The following RTN3 variants were observed in gnomAD, a reference collection of about 807,000 sequenced individuals.
RTN3 encodes the protein reticulon 3.
Under a neutral mutation model 77.8 loss-of-function variants are expected in RTN3, and 49 were observed. That is an observed-to-expected ratio of 0.63 (90% CI 0.50 to 0.80). The LOEUF is 0.80. Ranked by LOEUF, RTN3 falls within the 30% of genes least tolerant of loss-of-function variation. RTN3 has a pLI of 0.00. For synonymous variants in RTN3, 464 were observed against 446.9 expected, an observed-to-expected ratio of 1.04 and a Z score of -0.48; for missense variants, 1,236 against 1,211.9, an observed-to-expected ratio of 1.02 and a Z score of -0.29.
chr11:63,714,342 C>T (rs146735310), intron 2 of RTN3: 2 of 276,704 alleles, frequency 7.2e-6, no homozygotes, highest in East Asian at 9.5e-5. Context: ...GAATGCAGCA[C>T]TGAGCTCTGT....
At chr11:63,739,238 AAAAAG>A (rs1344870316) in intron 3 of RTN3, among the ~76,000 whole-genome samples, 3 of 152,132 alleles carry the variant, frequency 2.0e-5, no homozygotes, top group African/African-American at 7.2e-5. Flanking sequence ...CGAAAAGAGA[AAAAAG>A]TAAGGTCCTT....
At chr11:63,755,526 C>T (rs2014328747) in intron 7 of RTN3, among the ~76,000 whole-genome samples, 1 of 151,668 alleles carries the variant, frequency 6.6e-6, no homozygotes, top group South Asian at 2.1e-4. Flanking sequence ...TGGCGCATGC[C>T]TGTAATCCCA....
At chr11:63,718,298 C>T (rs182680017) in intron 2 of RTN3, among the ~76,000 whole-genome samples, 226 of 152,238 alleles carry the variant, frequency 1.5e-3, no homozygotes, top group Middle Eastern at 6.8e-3. Context: ...TCTATCAACC[C>T]TTTATAGTAT....
Position 63,698,132 on chromosome 11 carries a change from C to CT in RTN3, c.143-6706dup, listed in dbSNP as rs34408885. ...TAATTTCTGTGACCCTTTTCATAGT[C>CT]TTTTTTTTTTTTTCTTTAAAACAGT... On this transcript the variant is annotated intron_variant, in intron 1 of 8. Transcript: ENST00000377819. 2.0e-3 allele frequency among the ~76,000 whole-genome samples: 292 copies of CT among 145,362 alleles called. 1 individual carries two copies. Among genetic ancestry groups the CT allele is most frequent in the East Asian group, 3.4e-3 (17 of 5,010 alleles).
chr11:63,743,690 G>A (rs1054994642), intron 3 of RTN3, among the ~76,000 whole-genome samples: 2 of 151,856 alleles, frequency 1.3e-5, no homozygotes, highest in African/African-American at 2.4e-5. Flanking sequence ...TGAGGCGGGC[G>A]GATCATCTGA....
chr11:63,719,722 A>C lies in RTN3; in HGVS notation c.1220A>C (p.Glu407Ala), dbSNP rs1212188685. The C allele has an allele frequency of 1.2e-6, 2 of 1,614,062 alleles. No individual in the cohort carries two copies. Among genetic ancestry groups the C allele is most frequent in the Admixed American group, 1.7e-5 (1 of 60,000 alleles). ...PITKSTGDWA[E>A]ASLQQENAIT... is the part of the protein sequence containing the mutation. ...ACTAAATCAACAGGTGATTGGGCAG[A>C]AGCATCTCTCCAGCAAGAAAATGCT... The change falls in exon 3 of 9, where the codon GAA (glutamate) becomes GCA (alanine). Residue 407 changes from glutamate (E) to alanine (A), a missense_variant. Coordinates refer to ENST00000377819, the MANE Select transcript of RTN3 (RefSeq NM_001265589.2).
At chr11:63,721,983 T>C (rs1181119840) in intron 3 of RTN3, among the ~76,000 whole-genome samples, 5 of 152,208 alleles carry the variant, frequency 3.3e-5, no homozygotes, top group Non-Finnish European at 7.4e-5. Context: ...AAACTCATTA[T>C]TAGATGGTAC....
At chr11:63,681,868 C>T (rs907765412) in intron 1 of RTN3, 90 bp downstream of exon 1, 11 of 1,331,772 alleles carry the variant, frequency 8.3e-6, no homozygotes, top group South Asian at 1.5e-5. Flanking sequence ...GGGAGGAGGA[C>T]GAATTACCCT....
intron 1 of RTN3, among the ~76,000 whole-genome samples, chr11:63,703,749 AG>A (rs201691018): frequency 0.022 from 3,252 of 151,236 alleles, 58 homozygotes; most frequent in Non-Finnish European, 0.035. Flanking sequence ...TCACCGTGTT[AG>A]CCAGGATGGT....
intron 1 of RTN3, among the ~76,000 whole-genome samples, chr11:63,700,313 T>C (rs573776503): frequency 2.0e-3 from 299 of 147,552 alleles, no homozygotes; most frequent in African/African-American, 7.3e-3. Context: ...TCTCACTCTG[T>C]TGCCCAGGCT....
chr11:63,745,879 C>T (rs537501470), intron 3 of RTN3, among the ~76,000 whole-genome samples: 7 of 152,312 alleles, frequency 4.6e-5, no homozygotes, highest in African/African-American at 9.6e-5. Flanking sequence ...GGTGCGATCT[C>T]GGCTCACTGC....
rs144676607 is a variant in RTN3 at position 63,719,900 on chromosome 11, C to T, written c.1398C>T (p.Ala466=). Residue 466 remains alanine, a synonymous_variant, in exon 3 of 9, where the codon GCC becomes GCT. Coordinates refer to ENST00000377819, the MANE Select transcript of RTN3 (RefSeq NM_001265589.2). ...GTGACTCTTTGGGTTCTGGAGTGGC[C>T]ACAGTGAAAGTGGTTTTACCTGATG... The part of the protein sequence containing the change: ...EKCDSLGSGV[A]TVKVVLPDDH... 2 of 1,613,946 alleles carry T rather than the reference C, an allele frequency of 1.2e-6. No individual in the cohort carries two copies. Among genetic ancestry groups the T allele is most frequent in the Non-Finnish European group, 1.7e-6 (2 of 1,179,996 alleles).
intron 4 of RTN3, among the ~76,000 whole-genome samples, chr11:63,750,991 C>T (rs561546781): frequency 6.6e-6 from 1 of 152,294 alleles, no homozygotes; most frequent in South Asian, 2.1e-4. Context: ...CTCTGCCTCC[C>T]AAAGTGCTGG....
Position 63,719,179 on chromosome 11 carries a change from A to T in RTN3, c.677A>T (p.Tyr226Phe). Residue 226 changes from tyrosine (Y) to phenylalanine (F), a missense_variant, in exon 3 of 9, where the codon TAT becomes TTT. This residue lies in a region of RTN3 where 1,056 missense variants were observed against 990.4 expected (regional missense o/e 1.07). Coordinates refer to ENST00000377819, the MANE Select transcript of RTN3 (RefSeq NM_001265589.2). Reference protein sequence around the residue: ...EYSKVEGIYTYSLSPSKVSGD... With the variant: ...EYSKVEGIYTFSLSPSKVSGD... ...TCTAAGGTAGAAGGCATTTATACAT[A>T]TTCTTTGTCTCCATCCAAAGTTTCA... The T allele has an allele frequency of 6.2e-7, 1 of 1,614,222 alleles. No individual in the cohort carries two copies. Among genetic ancestry groups the T allele is most frequent in the Non-Finnish European group, 8.5e-7 (1 of 1,180,034 alleles).
intron 4 of RTN3, among the ~76,000 whole-genome samples, chr11:63,751,808 A>G (rs1044559385): frequency 6.6e-5 from 10 of 152,206 alleles, no homozygotes; most frequent in Non-Finnish European, 1.3e-4. Flanking sequence ...CCTGGCCAAC[A>G]TGGTGAAACC....
chr11:63,682,738 ACCT>A (rs1386467025), intron 1 of RTN3, among the ~76,000 whole-genome samples: 1 of 151,750 alleles, frequency 6.6e-6, no homozygotes, highest in Non-Finnish European at 1.5e-5. Flanking sequence ...GAAGCTGCAG[ACCT>A]CCTTTAGTTT....
intron 1 of RTN3, among the ~76,000 whole-genome samples, chr11:63,694,179 G>GTT (rs879915605): frequency 6.9e-6 from 1 of 145,764 alleles, no homozygotes. Context: ...ATTAATTATG[G>GTT]TTTTTTTTTT....
chr11:63,683,678 A>G (rs557029678), intron 1 of RTN3, among the ~76,000 whole-genome samples: 1 of 152,332 alleles, frequency 6.6e-6, no homozygotes, highest in South Asian at 2.1e-4. Context: ...AATTGGCAAT[A>G]CGAATTTAAT....
chr11:63,729,365 A>G (rs1170372426), intron 3 of RTN3, among the ~76,000 whole-genome samples: 2 of 146,568 alleles, frequency 1.4e-5, no homozygotes, highest in Non-Finnish European at 3.0e-5. Context: ...AGAGGTTATG[A>G]TGTTTATTTC....
Sources: allele counts gnomAD v4.1 joint callset (sites outside exome capture counted in the v4.1 genomes callset), GRCh38; gene constraint gnomAD v4.1.1; regional missense constraint gnomAD v4.1.1; transcripts MANE v1.5; gene names NCBI Gene and HGNC (gene_info 2026-07-23, HGNC 2026-07-21).